Variants in ADGRV1 observed in about 807,000 individuals in gnomAD.
ADGRV1 encodes adhesion G protein-coupled receptor V1.
In ADGRV1, 359 loss-of-function variants were observed where a neutral mutation model predicts 596.2. That is an observed-to-expected ratio of 0.60 (90% confidence interval 0.55 to 0.66). ADGRV1 has a LOEUF of 0.66. Ranked by LOEUF, ADGRV1 falls within the 30% of genes least tolerant of loss-of-function variation. The pLI, the probability that ADGRV1 is intolerant of heterozygous loss-of-function variation, is 0.00. For synonymous variants in ADGRV1, 2,681 were observed against 2,679.2 expected (o/e 1.00, Z -0.02); for missense variants, 7,274 against 7,575.6 (o/e 0.96, Z 1.48).
chr5:90,766,085 A>G (rs1248930774), intron 59 of ADGRV1, among the ~76,000 whole-genome samples: 1 of 151,564 alleles, frequency 6.6e-6, no homozygotes, highest in Non-Finnish European at 1.5e-5. Flanking sequence ...AATTTTTTGT[A>G]TTTTTTAGTG....
intron 47 of ADGRV1, 90 bp from the exon 48 acceptor site, chr5:90,725,459 C>A: frequency 2.5e-6 from 2 of 806,224 alleles, no homozygotes; most frequent in Non-Finnish European, 4.1e-6. Flanking sequence ...AAGTCTTGCA[C>A]TTCAGATTTT....
chr5:91,035,871 A>ATATATATATATATATATATC lies in ADGRV1; in HGVS notation c.18153-36565_18153-36564insATATATATCTATATATATAT, dbSNP rs1562122083. Among the ~76,000 whole-genome samples, 73 of 129,954 alleles carry ATATATATATATATATATATC rather than the reference A, an allele frequency of 5.6e-4. 3 individuals are homozygous for ATATATATATATATATATATC. The highest frequency in any genetic ancestry group is 8.3e-5 in the Non-Finnish European group (5 of 59,976). 85.3% of individuals were successfully genotyped at this position (129,954 alleles called of 152,430 possible). ...ATATATATATATATATTATATATATATATATATATATCTTACAACAATGCC... is the reference window on the plus strand; with the variant it reads ...ATATATATATATATATTATATATATATATATATATATATATATATCTATATATATATCTTACAACAATGCC... On this transcript the variant is annotated intron_variant, in intron 85 of 89. Coordinates refer to ENST00000405460, the MANE Select transcript of ADGRV1 (RefSeq NM_032119.4).
intron 83 of ADGRV1, among the ~76,000 whole-genome samples, chr5:90,889,775 A>G (rs1469629883): frequency 6.6e-6 from 1 of 152,100 alleles, no homozygotes; most frequent in Non-Finnish European, 1.5e-5. Context: ...ACCATTTGTT[A>G]ATGTTTCATA....
intron 89 of ADGRV1, among the ~76,000 whole-genome samples, chr5:91,159,367 C>T (rs994803214): frequency 1.3e-5 from 2 of 152,182 alleles, no homozygotes; most frequent in African/African-American, 4.8e-5. Flanking sequence ...TGTGTTAGTG[C>T]ATACTTTGTT....
intron 87 of ADGRV1, among the ~76,000 whole-genome samples, chr5:91,115,326 G>A (rs1410354483): frequency 6.6e-6 from 1 of 152,148 alleles, no homozygotes; most frequent in Non-Finnish European, 1.5e-5. Context: ...TCTAATAATT[G>A]TTAACATATA....
chr5:91,060,280 G>T (rs1787286873), intron 85 of ADGRV1, among the ~76,000 whole-genome samples: 1 of 151,856 alleles, frequency 6.6e-6, no homozygotes, highest in South Asian at 2.1e-4. Context: ...GAGTGCAGTG[G>T]CATGATTATG....
At chr5:90,704,623 G>C in intron 36 of ADGRV1, 135 bp downstream of exon 36, 2 of 549,460 alleles carry the variant, frequency 3.6e-6, no homozygotes, top group Middle Eastern at 9.9e-4. Flanking sequence ...CCCTAGAAAT[G>C]TTAGATCAAA....
At chr5:90,828,775 A>G (rs1764271047) in intron 76 of ADGRV1, among the ~76,000 whole-genome samples, 169 bp from the exon 77 acceptor site, 1 of 152,192 alleles carries the variant, frequency 6.6e-6, no homozygotes, top group Non-Finnish European at 1.5e-5. Flanking sequence ...AATAAATGTC[A>G]TGATAATCTA....
At chr5:91,085,817 T>C (rs938215338) in intron 86 of ADGRV1, among the ~76,000 whole-genome samples, 1 of 152,206 alleles carries the variant, frequency 6.6e-6, no homozygotes, top group East Asian at 1.9e-4. Flanking sequence ...ATGCCGCTGC[T>C]TTATCAAATT....
At chr5:91,146,579 T>C (rs1337764436) in intron 87 of ADGRV1, among the ~76,000 whole-genome samples, 1 of 152,222 alleles carries the variant, frequency 6.6e-6, no homozygotes, top group Admixed American at 6.5e-5. Context: ...GATTCTATTT[T>C]CAAATGAGAT....
At chr5:90,753,529 T>G in intron 53 of ADGRV1, 45 bp from the exon 54 acceptor site, 1 of 1,410,972 alleles carries the variant, frequency 7.1e-7, no homozygotes, top group Non-Finnish European at 9.9e-7. Context: ...TACTACATAG[T>G]GACAATTACA....
chr5:90,669,041 T>C (rs2149524849), intron 21 of ADGRV1, among the ~76,000 whole-genome samples: 1 of 152,334 alleles, frequency 6.6e-6, no homozygotes, highest in Admixed American at 6.5e-5. Context: ...GATTTTATAT[T>C]TACATATTAA....
intron 1 of ADGRV1, among the ~76,000 whole-genome samples, chr5:90,566,845 A>G (rs1755700777): frequency 6.6e-6 from 1 of 152,124 alleles, no homozygotes; most frequent in Admixed American, 6.5e-5. Flanking sequence ...AACTTCCAGT[A>G]AAGTGCTGAA....
chr5:91,128,373 G>A (rs1793942415), intron 87 of ADGRV1, among the ~76,000 whole-genome samples: 1 of 152,028 alleles, frequency 6.6e-6, no homozygotes, highest in Non-Finnish European at 1.5e-5. Flanking sequence ...TTATTGAGAT[G>A]TAGCCCCATC....
chr5:90,667,403 C>T (rs1426806643), intron 21 of ADGRV1, among the ~76,000 whole-genome samples: 5 of 147,644 alleles, frequency 3.4e-5, no homozygotes, highest in Non-Finnish European at 5.9e-5. Flanking sequence ...TTGATTGCAT[C>T]AGCTCCTGAG....
chr5:90,738,649 G>A (rs937301049), intron 50 of ADGRV1, among the ~76,000 whole-genome samples: 3 of 152,088 alleles, frequency 2.0e-5, no homozygotes, highest in African/African-American at 7.2e-5. Flanking sequence ...CTCATGGTCT[G>A]CAGGGTTTCT....
intron 79 of ADGRV1, among the ~76,000 whole-genome samples, chr5:90,852,709 T>G (rs927751615): frequency 1.3e-5 from 2 of 152,216 alleles, no homozygotes; most frequent in South Asian, 2.1e-4. Flanking sequence ...GCTCTTATTA[T>G]GCCTAGTAGA....
intron 85 of ADGRV1, among the ~76,000 whole-genome samples, chr5:91,068,799 T>C (rs1394985290): frequency 1.4e-5 from 2 of 142,076 alleles, no homozygotes; most frequent in Non-Finnish European, 3.0e-5. Context: ...AAAATTCATA[T>C]GAAACAAAAA....
At chr5:90,891,882 T>C (rs946569462) in intron 83 of ADGRV1, among the ~76,000 whole-genome samples, 4 of 152,048 alleles carry the variant, frequency 2.6e-5, no homozygotes, top group Non-Finnish European at 5.9e-5. Flanking sequence ...ATGTAGTTAA[T>C]ATGGAAACTT....
Sources: gnomAD v4.1 joint callset for allele counts (sites outside exome capture counted in the v4.1 genomes callset) on GRCh38, gnomAD v4.1.1 for gene constraint, MANE v1.5 for transcripts, NCBI Gene and HGNC (gene_info 2026-07-23, HGNC 2026-07-21) for gene names.